The following NOX4 variants were observed in gnomAD, a reference collection of about 807,000 sequenced individuals.
The protein encoded by NOX4 is kidney oxidase-1.
Under a neutral mutation model 87.6 loss-of-function variants are expected in NOX4, and 69 were observed. The ratio of observed to expected loss-of-function variants is 0.79; its 90% CI spans 0.65 to 0.96. The LOEUF (loss-of-function observed/expected upper bound fraction) is 0.96, where lower values mean the gene tolerates loss of function less well. Ranked by LOEUF, NOX4 falls within the 40% of genes least tolerant of loss-of-function variation. The probability of loss-of-function intolerance (pLI) is 0.00; values close to 1 mark genes in which losing one functional copy is unlikely to be tolerated. For missense variants in NOX4, 680 were observed against 681.5 expected (o/e 1.00, Z 0.02); for synonymous variants, 275 against 238.2 (o/e 1.15, Z -1.42).
chr11:89,450,141 C>T (rs1029078802), intron 3 of NOX4, among the ~76,000 whole-genome samples: 2 of 152,092 alleles, frequency 1.3e-5, no homozygotes, highest in African/African-American at 4.8e-5. Context: ...TTATTCCCTG[C>T]CACTTATCTT....
At chr11:89,387,116 C>T (rs536571938) in intron 11 of NOX4, among the ~76,000 whole-genome samples, 2 of 152,090 alleles carry the variant, frequency 1.3e-5, no homozygotes, top group East Asian at 3.9e-4. Flanking sequence ...CTCCATACCA[C>T]CCCCAAAAAT....
chr11:89,325,768 C>A lies in NOX4; in HGVS notation c.*988G>T, dbSNP rs1945195225. 6.6e-6 allele frequency: 1 copy of A among 151,554 alleles called. No individual in the cohort carries two copies. Among genetic ancestry groups the A allele is most frequent in the African/African-American group, 2.4e-5 (1 of 41,268 alleles). 9.4% of individuals were successfully genotyped at this position (151,554 alleles called of 1,614,324 possible). A position where few individuals can be genotyped will look rare whatever the true frequency, so the allele number is the denominator to read the frequency against. ...CATGATGTCCTTTGGTCTCAAAGTG[C>A]AAATTAACTAACTATCCTTAGAGGC... On this transcript the variant is annotated 3_prime_UTR_variant, in exon 18 of 18. Transcript: ENST00000263317.
At position 89,488,758 on chromosome 11, in the gene NOX4, A is replaced by G. The variant is rs180918830; in HGVS notation, c.153+1700T>C. ...ATCAAGTTATGTAATAGATGAGATAAAGCTTCCACTGAAAAACGTCCTATT... is the reference window on the plus strand; with the variant it reads ...ATCAAGTTATGTAATAGATGAGATAGAGCTTCCACTGAAAAACGTCCTATT... On this transcript the variant is annotated intron_variant, in intron 2 of 17. Coordinates refer to ENST00000263317, the MANE Select transcript of NOX4 (RefSeq NM_016931.5). The G allele has an allele frequency of 5.1e-5, 22 of 434,044 alleles. No individual in the cohort carries two copies. The Admixed American group carries it at 8.1e-4, about 16-fold the overall frequency. The allele number at this position is 434,044 out of a possible 1,614,324, so 26.9% of individuals were successfully genotyped here.
chr11:89,506,881 C>A, the NOX4 span, among the ~76,000 whole-genome samples: 5 of 151,898 alleles, frequency 3.3e-5, no homozygotes, highest in East Asian at 9.7e-4. Flanking sequence ...GCACTACATA[C>A]CTATCAGAAT....
chr11:89,493,106 G>A (rs1249097132), upstream of NOX4, among the ~76,000 whole-genome samples: 1 of 152,232 alleles, frequency 6.6e-6, no homozygotes, highest in East Asian at 1.9e-4. Context: ...GAAACGGACT[G>A]CCGGGCGCGG....
chr11:89,512,050 ATATGT>A, the NOX4 span, among the ~76,000 whole-genome samples: 1 of 152,068 alleles, frequency 6.6e-6, no homozygotes, highest in African/African-American at 2.4e-5. Flanking sequence ...TTTTTACCTG[ATATGT>A]TATCAGCTTG....
chr11:89,585,210 C>A, the NOX4 span, among the ~76,000 whole-genome samples: 28 of 152,218 alleles, frequency 1.8e-4, no homozygotes, highest in African/African-American at 6.5e-4. Flanking sequence ...ATAAGCTTTT[C>A]AGTTTGACCA....
intron 7 of NOX4, 88 bp from the exon 8 acceptor site, chr11:89,422,070 C>A: frequency 1.4e-6 from 1 of 692,062 alleles, no homozygotes; most frequent in Non-Finnish European, 2.4e-6. Flanking sequence ...TTTCAAACAT[C>A]TCACAATTTA....
intron 17 of NOX4, among the ~76,000 whole-genome samples, chr11:89,331,920 TC>T (rs1945492679): frequency 6.6e-6 from 1 of 151,662 alleles, no homozygotes. Flanking sequence ...TTTTTTTTTT[TC>T]TTTTTCGAAT....
chr11:89,373,588 A>G, intron 11 of NOX4, 96 bp from the exon 12 acceptor site: 1 of 774,918 alleles, frequency 1.3e-6, no homozygotes. Context: ...AGTCCCCCAT[A>G]TCAATAGATA....
chr11:89,462,468 A>G (rs1272133862), intron 2 of NOX4, among the ~76,000 whole-genome samples: 3 of 152,168 alleles, frequency 2.0e-5, no homozygotes, highest in African/African-American at 7.2e-5. Context: ...AACTTACTAT[A>G]AAGTTACAGT....
chr11:89,586,968 C>T, the NOX4 span, among the ~76,000 whole-genome samples: 1 of 152,068 alleles, frequency 6.6e-6, no homozygotes, highest in East Asian at 1.9e-4. Flanking sequence ...TCTATGGAAT[C>T]TGTATGTTTT....
chr11:89,424,464 A>AT (rs903548303), intron 7 of NOX4, among the ~76,000 whole-genome samples: 5 of 150,368 alleles, frequency 3.3e-5, no homozygotes, highest in Non-Finnish European at 5.9e-5. Flanking sequence ...CAAATGTTTC[A>AT]TTTTTTACTA....
chr11:89,348,827 G>T (rs975813749), intron 13 of NOX4, among the ~76,000 whole-genome samples: 40 of 152,164 alleles, frequency 2.6e-4, no homozygotes, highest in African/African-American at 9.4e-4. Flanking sequence ...GCTCTGCCAT[G>T]TGACTTTGGG....
At chr11:89,492,250 GA>G (rs923277961), upstream of NOX4, 1 of 151,720 alleles carries the variant, frequency 6.6e-6, no homozygotes, top group Non-Finnish European at 1.5e-5. Context: ...AAAAGAGAGA[GA>G]AAAAAATGTC....
At chr11:89,397,290 A>G (rs1941557496) in intron 11 of NOX4, among the ~76,000 whole-genome samples, 1 of 152,214 alleles carries the variant, frequency 6.6e-6, no homozygotes, top group Non-Finnish European at 1.5e-5. Context: ...GACACAATAT[A>G]CCAGAATCTC....
At chr11:89,348,396 C>T (rs1946307877) in intron 13 of NOX4, among the ~76,000 whole-genome samples, 1 of 150,924 alleles carries the variant, frequency 6.6e-6, no homozygotes, top group Non-Finnish European at 1.5e-5. Context: ...ACCTGGGTAA[C>T]AGAGTAAGAC....
chr11:89,570,572 T>C, the NOX4 span, among the ~76,000 whole-genome samples: 2 of 152,244 alleles, frequency 1.3e-5, no homozygotes, highest in African/African-American at 4.8e-5. Context: ...CTGTGGCTTA[T>C]GACTAATCCC....
intron 7 of NOX4, among the ~76,000 whole-genome samples, chr11:89,427,548 A>G (rs1336974513): frequency 4.6e-5 from 7 of 152,194 alleles, no homozygotes; most frequent in Admixed American, 4.6e-4. Context: ...GGAGCTGAAA[A>G]CCATGGCACG....
Sources: gnomAD v4.1 joint callset for allele counts (sites outside exome capture counted in the v4.1 genomes callset) on GRCh38, gnomAD v4.1.1 for gene constraint, MANE v1.5 for transcripts, NCBI Gene and HGNC (gene_info 2026-07-23, HGNC 2026-07-21) for gene names.